Variants in IRAK3 observed in about 807,000 individuals in gnomAD.
IRAK3 encodes the protein interleukin 1 receptor associated kinase 3.
IRAK3 carries 57 observed loss-of-function variants against 56.6 expected under a neutral mutation model. The ratio of observed to expected loss-of-function variants is 1.01; its 90% CI spans 0.81 to 1.26. The LOEUF (loss-of-function observed/expected upper bound fraction) is 1.26. Among genes scored for constraint, IRAK3 ranks in the 50% most tolerant of loss-of-function variants. The pLI is 0.00. For synonymous variants in IRAK3, 258 were observed against 255.7 expected, an observed-to-expected ratio of 1.01 and a Z score of -0.09; for missense variants, 703 against 719.0, an observed-to-expected ratio of 0.98 and a Z score of 0.25.
Position 66,228,253 on chromosome 12 carries a change from G to C in IRAK3, c.770G>C (p.Gly257Ala). Reference sequence around the variant, plus strand: ...AACCAATTGCTGTTGTTGTTTTAGGGTGACACGGCCCCACTCCCTTGGCAC... The same window carrying C: ...AACCAATTGCTGTTGTTGTTTTAGGCTGACACGGCCCCACTCCCTTGGCAC... ...GTLFDRLQCV[G>A]DTAPLPWHIR... Residue 257 changes from glycine (G) to alanine (A), a missense_variant and splice_region_variant, in exon 8 of 12, where the codon GGT becomes GCT. By Grantham distance (60) the Gly-to-Ala change is moderately conservative. Transcript: ENST00000261233. 6.2e-7 allele frequency: 1 copy of C among 1,612,270 alleles called. No individual in the cohort carries two copies. Among genetic ancestry groups the C allele is most frequent in the South Asian group, 1.1e-5 (1 of 91,036 alleles).
intron 8 of IRAK3, among the ~76,000 whole-genome samples, chr12:66,235,679 A>C (rs1427187367): frequency 6.6e-6 from 1 of 152,234 alleles, no homozygotes; most frequent in East Asian, 1.9e-4. Flanking sequence ...CAATGTATAT[A>C]AAGTGAGATT....
intron 8 of IRAK3, among the ~76,000 whole-genome samples, chr12:66,240,022 A>G (rs756267553): frequency 2.6e-5 from 4 of 152,068 alleles, no homozygotes; most frequent in Non-Finnish European, 5.9e-5. Flanking sequence ...AACCCCCTGT[A>G]TTTTTGTTCC....
rs1226535445 is a variant in IRAK3 at position 66,226,710 on chromosome 12, CT to C, written c.654-9del. The C allele has an allele frequency of 1.9e-5, 28 of 1,472,464 alleles. No individual in the cohort carries two copies. Among genetic ancestry groups the C allele is most frequent in the Non-Finnish European group, 2.3e-5 (24 of 1,050,982 alleles). The allele number at this position is 1,472,464 out of a possible 1,614,324, so 91.2% of individuals were successfully genotyped here. A position where few individuals can be genotyped will look rare whatever the true frequency, so the allele number is the denominator to read the frequency against. On this transcript the variant is annotated splice_polypyrimidine_tract_variant and intron_variant, in intron 6 of 11. Coordinates refer to ENST00000261233, the MANE Select transcript of IRAK3 (RefSeq NM_007199.3). ...AAGCAATTTGATGGCTTTAAAACAT[CT>C]TTTGTTTCAAGGTTTCATCACCCAA...
chr12:66,245,465 G>A (rs1364908285), intron 11 of IRAK3, among the ~76,000 whole-genome samples: 1 of 148,906 alleles, frequency 6.7e-6, no homozygotes, highest in African/African-American at 2.5e-5. Context: ...GTGGAACCAA[G>A]ACTCCACAAA....
At chr12:66,236,578 A>G (rs555910555) in intron 8 of IRAK3, among the ~76,000 whole-genome samples, 1 of 151,506 alleles carries the variant, frequency 6.6e-6, no homozygotes, top group South Asian at 2.1e-4. Flanking sequence ...AAAAAAAAAA[A>G]GGAAAAGAAA....
chr12:66,225,516 A>T (rs2052776950), intron 6 of IRAK3, among the ~76,000 whole-genome samples: 1 of 152,114 alleles, frequency 6.6e-6, no homozygotes, highest in African/African-American at 2.4e-5. Context: ...TACTGCAGAA[A>T]TGAATAATAG....
chr12:66,231,451 C>A (rs1447799066), intron 8 of IRAK3, among the ~76,000 whole-genome samples: 1 of 152,172 alleles, frequency 6.6e-6, no homozygotes, highest in Non-Finnish European at 1.5e-5. Flanking sequence ...TTGTGTTAGA[C>A]CACAGGGGGA....
Position 66,244,931 on chromosome 12 carries a change from C to T in IRAK3, c.1087-17C>T, listed in dbSNP as rs2053011728. On this transcript the variant is annotated splice_polypyrimidine_tract_variant and intron_variant, in intron 9 of 11. Coordinates refer to ENST00000261233, the MANE Select transcript of IRAK3 (RefSeq NM_007199.3). ...ATTTTTAAGATATATAGCTGACTTTCTATATATTCCTTGTAGGTAATAATG... is the reference window on the plus strand; with the variant it reads ...ATTTTTAAGATATATAGCTGACTTTTTATATATTCCTTGTAGGTAATAATG... 1.9e-6 allele frequency: 3 copies of T among 1,584,262 alleles called. No individual in the cohort carries two copies. Among genetic ancestry groups the T allele is most frequent in the Admixed American group, 1.7e-5 (1 of 59,948 alleles).
At chr12:66,234,363 G>A (rs2052879383) in intron 8 of IRAK3, 22 of 1,612,406 alleles carry the variant, frequency 1.4e-5, no homozygotes, top group Non-Finnish European at 1.7e-5. Flanking sequence ...AGAATATATG[G>A]TTGAGGTTGC....
At chr12:66,217,912 G>T (rs1305615793) in intron 6 of IRAK3, among the ~76,000 whole-genome samples, 1 of 152,054 alleles carries the variant, frequency 6.6e-6, no homozygotes, top group African/African-American at 2.4e-5. Context: ...CTGAAGACCA[G>T]AAATCAAAAT....
At position 66,245,232 on chromosome 12, in the gene IRAK3, G is replaced by A. The variant is rs373101549; in HGVS notation, c.1284G>A (p.Thr428=). 8.4e-5 allele frequency: 135 copies of A among 1,614,006 alleles called. No individual in the cohort carries two copies. Among genetic ancestry groups the A allele is most frequent in the Middle Eastern group, 4.9e-4 (3 of 6,084 alleles). ...LFCLAGRCAA[T]RAKLRPSMDE... ...GTTTGGCAGGCCGGTGTGCTGCAAC[G>A]CGGGCAAAGTTAAGACCATCAATGG... is the stretch of plus-strand genomic sequence containing the variant. Residue 428 remains threonine, a synonymous_variant, in exon 11 of 12, where the codon ACG becomes ACA. Transcript: ENST00000261233.
intron 5 of IRAK3, among the ~76,000 whole-genome samples, chr12:66,213,636 T>G (rs758426911): frequency 3.3e-5 from 5 of 152,134 alleles, no homozygotes; most frequent in Non-Finnish European, 7.3e-5. Context: ...TATGTCAACT[T>G]AAGATCATTG....
intron 8 of IRAK3, among the ~76,000 whole-genome samples, chr12:66,240,694 G>A (rs2052959343): frequency 6.6e-6 from 1 of 151,900 alleles, no homozygotes; most frequent in Admixed American, 6.6e-5. Flanking sequence ...TATCTCTGGA[G>A]CCAATCTGTG....
At position 66,235,287 on chromosome 12, in the gene IRAK3, T is replaced by C. The variant is rs531047679; in HGVS notation, c.887+6917T>C. 1.4e-3 allele frequency: 1,948 copies of C among 1,403,966 alleles called. 40 individuals are homozygous for C. The African/African-American group carries it at 0.026, about 19-fold the overall frequency. 87.0% of individuals were successfully genotyped at this position (1,403,966 alleles called of 1,614,324 possible). On this transcript the variant is annotated intron_variant, in intron 8 of 11. Coordinates refer to ENST00000261233, the MANE Select transcript of IRAK3 (RefSeq NM_007199.3). Reference sequence around the variant, plus strand: ...TTGCCGCTGCTGCTGGGGAAGATCATCGCTGCGGGCCGCGGCGGCGGGCGC... The same window carrying C: ...TTGCCGCTGCTGCTGGGGAAGATCACCGCTGCGGGCCGCGGCGGCGGGCGC...
Position 66,250,865 on chromosome 12 carries a change from G to T in IRAK3, c.*2694G>T, listed in dbSNP as rs1437044111. 3 of 152,194 alleles carry T rather than the reference G, an allele frequency of 2.0e-5. No individual in the cohort carries two copies. The highest frequency in any genetic ancestry group is 4.4e-5 in the Non-Finnish European group (3 of 68,040). 9.4% of individuals were successfully genotyped at this position (152,194 alleles called of 1,614,324 possible). On this transcript the variant is annotated 3_prime_UTR_variant, in exon 12 of 12. Transcript: ENST00000261233. The stretch of plus-strand genomic sequence containing the variant: ...CAGCTTCTGATGCAATAGGTCTGGG[G>T]TTAGAAATTTTGCTTTCTAATGAGT...
intron 8 of IRAK3, among the ~76,000 whole-genome samples, chr12:66,239,626 A>C (rs1393748912): frequency 6.6e-6 from 1 of 152,052 alleles, no homozygotes; most frequent in Non-Finnish European, 1.5e-5. Context: ...CCCCCTCAAA[A>C]AGCCTATTTT....
At chr12:66,204,031 G>A in intron 2 of IRAK3, 138 bp downstream of exon 2, 2 of 739,582 alleles carry the variant, frequency 2.7e-6, no homozygotes, top group Non-Finnish European at 4.6e-6. Flanking sequence ...TTATCTGGAA[G>A]GGACTTTCCA....
At chr12:66,200,606 G>A (rs1364519765) in intron 1 of IRAK3, among the ~76,000 whole-genome samples, 2 of 152,134 alleles carry the variant, frequency 1.3e-5, no homozygotes, top group Non-Finnish European at 2.9e-5. Flanking sequence ...TCAATTTTCA[G>A]GATTTACTCA....
At chr12:66,231,294 G>A (rs114812999) in intron 8 of IRAK3, among the ~76,000 whole-genome samples, 31 of 152,170 alleles carry the variant, frequency 2.0e-4, no homozygotes, top group African/African-American at 6.7e-4. Context: ...GGCCAATTAC[G>A]TGAAGCCAGG....
Sources: gnomAD v4.1 joint callset for allele counts (sites outside exome capture counted in the v4.1 genomes callset) on GRCh38, gnomAD v4.1.1 for gene constraint, MANE v1.5 for transcripts, NCBI Gene and HGNC (gene_info 2026-07-23, HGNC 2026-07-21) for gene names.